The following NR2C2 variants were observed in gnomAD, a reference collection of about 807,000 sequenced individuals.
NR2C2 encodes Nuclear hormone receptor TR4.
In NR2C2, 6 loss-of-function variants were observed where a neutral mutation model predicts 62.9. The ratio of observed to expected loss-of-function variants is 0.10; its 90% confidence interval spans 0.05 to 0.19. NR2C2 has a LOEUF of 0.19. Ranked by LOEUF, NR2C2 falls within the 10% of genes least tolerant of loss-of-function variation. The pLI is 1.00. For synonymous variants in NR2C2, 272 were observed against 273.8 expected, an observed-to-expected ratio of 0.99 and a Z score of 0.07; for missense variants, 479 against 762.7, an observed-to-expected ratio of 0.63 and a Z score of 4.38.
At chr3:14,958,956 C>A (rs532905975) in intron 1 of NR2C2, among the ~76,000 whole-genome samples, 2 of 152,314 alleles carry the variant, frequency 1.3e-5, no homozygotes, top group South Asian at 4.1e-4. Flanking sequence ...AGCCTGGCGA[C>A]AGAGCAAGAC....
At position 15,003,991 on chromosome 3, in the gene NR2C2, C is replaced by A; in HGVS notation, c.72+5C>A. The A allele has an allele frequency of 6.2e-7, 1 of 1,604,920 alleles. No individual in the cohort carries two copies. The highest frequency in any genetic ancestry group is 8.5e-7 in the Non-Finnish European group (1 of 1,176,006). On this transcript the variant is annotated splice_donor_5th_base_variant and intron_variant, in intron 2 of 13. Coordinates refer to ENST00000425241, the MANE Select transcript of NR2C2 (RefSeq NM_001291694.2). The stretch of plus-strand genomic sequence containing the variant: ...GCCTCACCTCAGCGCATTCAGGTAC[C>A]TGCAACCTGCCAATGGCAACCCTGC...
intron 1 of NR2C2, among the ~76,000 whole-genome samples, chr3:15,003,038 C>T (rs1242096186): frequency 6.6e-6 from 1 of 151,704 alleles, no homozygotes; most frequent in Non-Finnish European, 1.5e-5. Flanking sequence ...CTCCACCTCC[C>T]TGGTTCAAGC....
In NR2C2 at chr3:15,043,554, C is replaced by CA. The variant is rs1252452277; in HGVS notation, c.*548dup. On this transcript the variant is annotated 3_prime_UTR_variant, in exon 14 of 14. Coordinates refer to ENST00000425241, the MANE Select transcript of NR2C2 (RefSeq NM_001291694.2). The stretch of plus-strand genomic sequence containing the variant: ...TGAAAACTCACTAGGGTACAGGAGA[C>CA]AATCATTTATGTTTAAGAAAAGAAG... 2 of 152,634 alleles carry CA rather than the reference C, an allele frequency of 1.3e-5. No individual in the cohort carries two copies. The highest frequency in any genetic ancestry group is 2.9e-5 in the Non-Finnish European group (2 of 68,042). 9.5% of individuals were successfully genotyped at this position (152,634 alleles called of 1,614,324 possible). A position where few individuals can be genotyped will look rare whatever the true frequency, so the allele number is the denominator to read the frequency against.
chr3:14,965,027 C>T (rs539727507), intron 1 of NR2C2, among the ~76,000 whole-genome samples: 12 of 152,188 alleles, frequency 7.9e-5, no homozygotes, highest in Admixed American at 2.6e-4. Flanking sequence ...CAAGTCACCT[C>T]GCATGCACAT....
intron 4 of NR2C2, among the ~76,000 whole-genome samples, chr3:15,019,016 TAAAAAAAAAAA>T (rs35022020): frequency 7.8e-5 from 6 of 76,502 alleles, no homozygotes; most frequent in African/African-American, 1.2e-4. Flanking sequence ...ACTCTTGTCT[TAAAAAAAAAAA>T]AAAAAAAAAA....
chr3:15,023,377 C>T (rs1478813376), intron 6 of NR2C2, 30 bp downstream of exon 6: 1 of 1,611,680 alleles, frequency 6.2e-7, no homozygotes, highest in Non-Finnish European at 8.5e-7. Flanking sequence ...TGCAATCAGC[C>T]TTTGCAGCTG....
In NR2C2 at chr3:15,007,694, G is replaced by A. The variant is rs192740426; in HGVS notation, c.72+3708G>A. Among the ~76,000 whole-genome samples the A allele has an allele frequency of 8.3e-4, 127 of 152,274 alleles. 2 individuals carry two copies. Among genetic ancestry groups the A allele is most frequent in the African/African-American group, 2.8e-3 (117 of 41,552 alleles). ...AAGAATGAGTAAGCCATGGTAAAAA[G>A]TCTTGACTTTTTCCTCAGGAGCGAT... On this transcript the variant is annotated intron_variant, in intron 2 of 13. Coordinates refer to ENST00000425241, the MANE Select transcript of NR2C2 (RefSeq NM_001291694.2).
chr3:15,017,540 G>A (rs772039291), intron 4 of NR2C2, among the ~76,000 whole-genome samples: 1 of 152,104 alleles, frequency 6.6e-6, no homozygotes, highest in African/African-American at 2.4e-5. Context: ...AAGCATGAAC[G>A]TAACAAAAGG....
chr3:15,045,563 TTTC>T lies in NR2C2; in HGVS notation c.*2558_*2560del, dbSNP rs1421291720. 9.2e-5 allele frequency: 14 copies of T among 152,786 alleles called. No individual in the cohort carries two copies. The highest frequency in any genetic ancestry group is 1.3e-4 in the Non-Finnish European group (9 of 68,040). 9.5% of individuals were successfully genotyped at this position (152,786 alleles called of 1,614,324 possible). A position where few individuals can be genotyped will look rare whatever the true frequency, so the allele number is the denominator to read the frequency against. ...TCTTGGCCTTACTTTGAAGTGGCCT[TTTC>T]TTTAAGGATCATGTCCACGTAACCT... On this transcript the variant is annotated 3_prime_UTR_variant, in exon 14 of 14. Coordinates refer to ENST00000425241, the MANE Select transcript of NR2C2 (RefSeq NM_001291694.2).
rs2041946958 is a variant in NR2C2, at chr3:15,030,332, C to T, written c.990C>T (p.Ser330=). ...CCACAGACAGCTCCTCTTCTCCAAG[C>T]TTGGCAGATGGGATAGACACCAGTG... The part of the protein sequence containing the change: ...LNTTDSSSSP[S]LADGIDTSGG... The change falls in exon 9 of 14, where the codon AGC becomes AGT. Residue 330 remains serine, a synonymous_variant. Coordinates refer to ENST00000425241, the MANE Select transcript of NR2C2 (RefSeq NM_001291694.2). 1 of 1,613,226 alleles carries T rather than the reference C, an allele frequency of 6.2e-7. No individual in the cohort carries two copies. The highest frequency in any genetic ancestry group is 1.1e-5 in the South Asian group (1 of 90,884).
At chr3:14,974,153 T>C (rs1021167865) in intron 1 of NR2C2, among the ~76,000 whole-genome samples, 5 of 152,238 alleles carry the variant, frequency 3.3e-5, no homozygotes, top group African/African-American at 1.2e-4. Context: ...AATTTGACTA[T>C]TGATAACTAC....
At chr3:14,980,139 CTT>C (rs1300157780) in intron 1 of NR2C2, among the ~76,000 whole-genome samples, 1 of 151,858 alleles carries the variant, frequency 6.6e-6, no homozygotes, top group African/African-American at 2.4e-5. Context: ...GATTCCTACT[CTT>C]TTCCGGCATT....
In NR2C2 at chr3:15,045,132, G is replaced by A. The variant is rs897420520; in HGVS notation, c.*2124G>A. The A allele has an allele frequency of 3.3e-5, 5 of 152,200 alleles. No individual in the cohort carries two copies. Among genetic ancestry groups the A allele is most frequent in the Admixed American group, 2.0e-4 (3 of 15,278 alleles). 9.4% of individuals were successfully genotyped at this position (152,200 alleles called of 1,614,324 possible). A position where few individuals can be genotyped will look rare whatever the true frequency, so the allele number is the denominator to read the frequency against. On this transcript the variant is annotated 3_prime_UTR_variant, in exon 14 of 14. Transcript: ENST00000425241. The stretch of plus-strand genomic sequence containing the variant: ...GGTTTGTTTCATTTCTGCTTGTGAA[G>A]GCTTTTAGTAGCAGGCATCCTGCAG...
At chr3:15,020,600 A>G (rs1274342108) in intron 4 of NR2C2, among the ~76,000 whole-genome samples, 153 bp from the exon 5 acceptor site, 1 of 152,232 alleles carries the variant, frequency 6.6e-6, no homozygotes, top group Admixed American at 6.5e-5. Flanking sequence ...TGTGGCCAGT[A>G]TGCTTAATGC....
rs763455891 is a variant in NR2C2 at position 15,020,856 on chromosome 3, C to T, written c.480C>T (p.Ile160=). Residue 160 remains isoleucine (I), a synonymous_variant, in exon 5 of 14, where the codon ATC becomes ATT. Coordinates refer to ENST00000425241, the MANE Select transcript of NR2C2 (RefSeq NM_001291694.2). ...TYSCRSNQDC[I]INKHHRNRCQ... is the part of the protein sequence containing the mutation. The stretch of plus-strand genomic sequence containing the variant: ...GCTGCCGGAGCAACCAAGACTGCAT[C>T]ATCAATAAACATCACCGGAACCGCT... The T allele has an allele frequency of 6.2e-7, 1 of 1,614,124 alleles. No homozygotes were observed. Among genetic ancestry groups the T allele is most frequent in the South Asian group, 1.1e-5 (1 of 91,084 alleles).
At chr3:15,020,689 C>A (rs2041647156) in intron 4 of NR2C2, 64 bp from the exon 5 acceptor site, 3 of 1,561,946 alleles carry the variant, frequency 1.9e-6, no homozygotes, top group Admixed American at 3.4e-5. Flanking sequence ...ACTGACAGAT[C>A]ACCTCTTTGG....
chr3:14,964,784 A>AGTGC (rs1235945330), intron 1 of NR2C2, among the ~76,000 whole-genome samples: 3 of 152,076 alleles, frequency 2.0e-5, no homozygotes, highest in African/African-American at 7.2e-5. Flanking sequence ...GGCCTCCCAA[A>AGTGC]GTGCTGGGAT....
chr3:14,965,128 C>T (rs558170326), intron 1 of NR2C2, among the ~76,000 whole-genome samples: 4 of 152,012 alleles, frequency 2.6e-5, no homozygotes, highest in Admixed American at 1.3e-4. Context: ...ACAGTGGCCC[C>T]GGCCTGGAAT....
chr3:14,974,525 T>C (rs1312354324), intron 1 of NR2C2, among the ~76,000 whole-genome samples: 1 of 152,198 alleles, frequency 6.6e-6, no homozygotes, highest in Non-Finnish European at 1.5e-5. Flanking sequence ...GAACACAGGA[T>C]GTTTTTCCAC....
Sources: allele counts gnomAD v4.1 joint callset (sites outside exome capture counted in the v4.1 genomes callset), GRCh38; gene constraint gnomAD v4.1.1; transcripts MANE v1.5; gene names NCBI Gene and HGNC (gene_info 2026-07-23, HGNC 2026-07-21).